Variants in EP400 observed in about 807,000 individuals in gnomAD.
EP400 encodes E1A-binding protein p400.
A neutral mutation model predicts 354.1 loss-of-function variants in EP400; 105 were observed. That is an observed-to-expected ratio of 0.30 (90% confidence interval 0.25 to 0.35). EP400 has a LOEUF of 0.35. Ranked by LOEUF, EP400 falls within the 10% of genes least tolerant of loss-of-function variation. EP400 has a pLI of 1.00. For synonymous variants in EP400, 1,646 were observed against 1,716.9 expected, an observed-to-expected ratio of 0.96 and a Z score of 1.02; for missense variants, 3,280 against 4,121.0, an observed-to-expected ratio of 0.80 and a Z score of 5.59.
chr12:132,064,555 G>A (rs1895824092), intron 47 of EP400, 113 bp from the exon 48 acceptor site: 3 of 1,387,140 alleles, frequency 2.2e-6, no homozygotes, highest in South Asian at 2.7e-5. Context: ...ACGGTAGCAG[G>A]TGTCTGCTTT....
intron 5 of EP400, among the ~76,000 whole-genome samples, chr12:131,985,878 T>G (rs56015900): frequency 0.19 from 28,559 of 152,158 alleles, 4,545 homozygotes; most frequent in African/African-American, 0.44. Flanking sequence ...AAAGTGCTGG[T>G]ATTATAGGCG....
At chr12:131,999,492 G>T (rs1355859099) in intron 12 of EP400, among the ~76,000 whole-genome samples, 4 of 152,176 alleles carry the variant, frequency 2.6e-5, no homozygotes, top group Admixed American at 2.0e-4. Flanking sequence ...AGGCTGGAGT[G>T]CAGTGGCACG....
At chr12:132,060,390 A>G (rs933246811) in intron 45 of EP400, among the ~76,000 whole-genome samples, 1 of 152,202 alleles carries the variant, frequency 6.6e-6, no homozygotes, top group Non-Finnish European at 1.5e-5. Context: ...ACTGATGCGT[A>G]TATGTAGAAA....
rs1221099391 is a variant in EP400 at position 131,986,634 on chromosome 12, C to G, written c.2050C>G (p.Arg684Gly). The G allele has an allele frequency of 1.2e-6, 2 of 1,614,082 alleles. No individual in the cohort carries two copies. The highest frequency in any genetic ancestry group is 1.7e-6 in the Non-Finnish European group (2 of 1,180,026). Residue 684 changes from arginine (R) to glycine (G), a missense_variant, in exon 6 of 53, where the codon CGA becomes GGA. Transcript: ENST00000389561. ...CTCCGGCCCAGGACCCTCCCCTGCT[C>G]GATCCTCTCCAGTAAATAGACCTTC... ...SGSGPGPSPA[R>G]SSPVNRPSSA... is the part of the protein sequence containing the mutation.
intron 32 of EP400, among the ~76,000 whole-genome samples, chr12:132,040,534 A>G (rs1894864582): frequency 6.6e-6 from 1 of 152,242 alleles, no homozygotes; most frequent in Non-Finnish European, 1.5e-5. Flanking sequence ...GTATTTCAAC[A>G]CACAGATTCT....
At chr12:132,033,479 C>T (rs1894592709) in intron 30 of EP400, among the ~76,000 whole-genome samples, 1 of 152,056 alleles carries the variant, frequency 6.6e-6, no homozygotes, top group South Asian at 2.1e-4. Flanking sequence ...AAATATGGTC[C>T]CTGCATGAGG....
intron 32 of EP400, among the ~76,000 whole-genome samples, chr12:132,042,485 C>T (rs761071005): frequency 2.6e-5 from 4 of 152,058 alleles, no homozygotes; most frequent in South Asian, 4.1e-4. Context: ...TGAAGGTCAC[C>T]GGGCATCCTC....
chr12:132,065,370 AG>A, intron 48 of EP400: 2 of 160,484 alleles, frequency 1.2e-5, no homozygotes, highest in Admixed American at 5.9e-5. Flanking sequence ...ACTGGCTCTC[AG>A]CAGGTGCCAG....
At position 132,050,484 on chromosome 12, in the gene EP400, A is replaced by G. The variant is rs1424734088; in HGVS notation, c.7337+25A>G. 2.5e-6 allele frequency: 4 copies of G among 1,613,890 alleles called. No individual in the cohort carries two copies. Among genetic ancestry groups the G allele is most frequent in the Admixed American group, 3.3e-5 (2 of 59,988 alleles). On this transcript the variant is annotated intron_variant, in intron 40 of 52. Coordinates refer to ENST00000389561, the MANE Select transcript of EP400 (RefSeq NM_015409.5). The surrounding 1 kb of genome is among the most constrained non-coding windows in gnomAD (Gnocchi z 4.8). ...TGTATGTTTCCTGAGTGCTCATTTT[A>G]TGTTCATTATGACTGAGTAGATTGC...
chr12:132,014,049 T>TGG, intron 19 of EP400, 136 bp downstream of exon 19: 1 of 1,199,700 alleles, frequency 8.3e-7, no homozygotes, highest in Non-Finnish European at 1.2e-6. Flanking sequence ...GGCACCCTCC[T>TGG]GGGGGCAGCA....
At chr12:131,999,184 G>C (rs1893323488) in intron 12 of EP400, among the ~76,000 whole-genome samples, 1 of 151,990 alleles carries the variant, frequency 6.6e-6, no homozygotes, top group African/African-American at 2.4e-5. Context: ...GCCTCGGTCA[G>C]GTTGTCTGAG....
At chr12:131,991,205 A>C (rs936510009) in intron 9 of EP400, among the ~76,000 whole-genome samples, 10 of 152,230 alleles carry the variant, frequency 6.6e-5, no homozygotes, top group Non-Finnish European at 1.3e-4. Flanking sequence ...CCCGAGGCTG[A>C]GAGGTGGCTG....
chr12:132,071,679 G>A (rs1031330721), intron 51 of EP400, among the ~76,000 whole-genome samples: 3 of 152,106 alleles, frequency 2.0e-5, no homozygotes, highest in South Asian at 2.1e-4. Flanking sequence ...TGGGTGGGTC[G>A]GGGGTGTGGG....
At position 132,076,587 on chromosome 12, in the gene EP400, C is replaced by T. The variant is rs1357082176; in HGVS notation, c.9093C>T (p.Ser3031=). ...GCATCCAGCAAGTTGCCTCTGCTTC[C>T]CAGCAGGTAGGACGCATAGACAAAG... ...VASIQQVASA[S]QQASPQTVAL... The change falls in exon 52 of 53, where the codon TCC becomes TCT. Residue 3031 remains serine (S), a synonymous_variant. Coordinates refer to ENST00000389561, the MANE Select transcript of EP400 (RefSeq NM_015409.5). 1.2e-6 allele frequency: 2 copies of T among 1,611,792 alleles called. No homozygotes were observed. The highest frequency in any genetic ancestry group is 4.5e-5 in the East Asian group (2 of 44,880).
At chr12:131,989,572 A>G (rs556386789) in intron 7 of EP400, among the ~76,000 whole-genome samples, 2 of 152,382 alleles carry the variant, frequency 1.3e-5, no homozygotes, top group South Asian at 4.1e-4. Flanking sequence ...AGCTTTAAAA[A>G]TGTGAATTAT....
chr12:131,974,683 G>A (rs1892408429), intron 2 of EP400, among the ~76,000 whole-genome samples: 1 of 151,998 alleles, frequency 6.6e-6, no homozygotes, highest in Non-Finnish European at 1.5e-5. Flanking sequence ...TTGTCATAAT[G>A]GTTTTTGATC....
chr12:132,014,716 A>G lies in EP400; in HGVS notation c.3923+803A>G, dbSNP rs539099118. The stretch of plus-strand genomic sequence containing the variant: ...CTCAGCGTCCCTCACAGGCACAGTC[A>G]GACACACTGGATCAGGTGACCCCAC... On this transcript the variant is annotated intron_variant, in intron 19 of 52. Transcript: ENST00000389561. Among the ~76,000 whole-genome samples the G allele has an allele frequency of 9.2e-5, 14 of 152,244 alleles. No homozygotes were observed. In the East Asian group the frequency reaches 2.7e-3, roughly 29 times the overall value.
intron 19 of EP400, among the ~76,000 whole-genome samples, chr12:132,016,595 C>T (rs1893942386): frequency 6.6e-6 from 1 of 152,118 alleles, no homozygotes; most frequent in Non-Finnish European, 1.5e-5. Context: ...TGGTCTCAAA[C>T]CCCTGACCTC....
Position 132,065,071 on chromosome 12 carries a change from C to T in EP400, c.8553+185C>T, listed in dbSNP as rs922483708. 8.3e-6 allele frequency: 9 copies of T among 1,084,580 alleles called. No homozygotes were observed. The African/African-American group carries it at 1.4e-4, about 17-fold the overall frequency. 67.2% of individuals were successfully genotyped at this position (1,084,580 alleles called of 1,614,324 possible). The stretch of plus-strand genomic sequence containing the variant: ...CACCACTCGTGGAACATTAACACAG[C>T]AGCAGCTCCCAGAGCCCATCCAGGC... On this transcript the variant is annotated intron_variant, in intron 48 of 52. Transcript: ENST00000389561.
Sources: gnomAD v4.1 joint callset for allele counts (sites outside exome capture counted in the v4.1 genomes callset) on GRCh38, gnomAD v4.1.1 for gene constraint, Gnocchi (gnomAD v3.1) non-coding constraint, MANE v1.5 for transcripts, NCBI Gene and HGNC (gene_info 2026-07-23, HGNC 2026-07-21) for gene names.